Variants in PNPLA7 observed in about 807,000 individuals in gnomAD.
The protein encoded by PNPLA7 is patatin-like phospholipase domain-containing protein 7.
Under a neutral mutation model 161.7 loss-of-function variants are expected in PNPLA7, and 153 were observed. The ratio of observed to expected loss-of-function variants is 0.95; its 90% CI spans 0.83 to 1.08. PNPLA7 has a LOEUF of 1.08. Ranked by LOEUF, PNPLA7 falls within the 50% of genes least tolerant of loss-of-function variation. The pLI is 0.00. For missense variants in PNPLA7, 1,739 were observed against 1,856.6 expected, an observed-to-expected ratio of 0.94 and a Z score of 1.16; for synonymous variants, 809 against 782.1, an observed-to-expected ratio of 1.03 and a Z score of -0.57.
chr9:137,461,505 C>A, intron 33 of PNPLA7, 31 bp downstream of exon 33: 1 of 1,593,300 alleles, frequency 6.3e-7, no homozygotes, highest in South Asian at 1.1e-5. Context: ...TCACGCACGT[C>A]TCCACGGCTT....
intron 26 of PNPLA7, among the ~76,000 whole-genome samples, chr9:137,466,816 A>G (rs1338591163): frequency 7.3e-6 from 1 of 137,088 alleles, no homozygotes; most frequent in African/African-American, 2.8e-5. Context: ...GGCACGGATC[A>G]GACCACCTCC....
chr9:137,545,438 C>T (rs1033933831), intron 4 of PNPLA7, among the ~76,000 whole-genome samples: 5 of 152,198 alleles, frequency 3.3e-5, no homozygotes, highest in Non-Finnish European at 7.3e-5. Flanking sequence ...ACCCACTGGG[C>T]CCCAGTGATG....
Position 137,478,282 on chromosome 9 carries a change from C to A in PNPLA7, c.2764-130G>T, listed in dbSNP as rs1832036634. The stretch of plus-strand genomic sequence containing the variant: ...CTGACCCCAAATCCTCTCCAGCATG[C>A]AGCAGGCCCTGCCTGATACGACTGG... On this transcript the variant is annotated intron_variant, in intron 24 of 34. Transcript: ENST00000406427. The A allele has an allele frequency of 6.2e-6, 4 of 643,982 alleles. No individual in the cohort carries two copies. In the South Asian group the frequency reaches 2.5e-4, roughly 41 times the overall value. The allele number at this position is 643,982 out of a possible 1,614,324, so 39.9% of individuals were successfully genotyped here. A position where few individuals can be genotyped will look rare whatever the true frequency, so the allele number is the denominator to read the frequency against.
At chr9:137,484,853 T>C (rs888136072) in intron 20 of PNPLA7, 117 bp from the exon 21 acceptor site, 1 of 1,273,584 alleles carries the variant, frequency 7.9e-7, no homozygotes, top group Non-Finnish European at 1.1e-6. Flanking sequence ...AGAGGCCGCC[T>C]GGCCCTCCCG....
At chr9:137,462,129 C>G in intron 31 of PNPLA7, 50 bp downstream of exon 31, 4 of 1,528,374 alleles carry the variant, frequency 2.6e-6, no homozygotes, top group Non-Finnish European at 3.5e-6. Context: ...GAGGGGCAGC[C>G]ACCAGAGTGC....
chr9:137,474,901 G>A lies in PNPLA7; in HGVS notation c.2882+3133C>T, dbSNP rs1490347203. 3.4e-5 allele frequency among the ~76,000 whole-genome samples: 5 copies of A among 148,902 alleles called. No individual in the cohort carries two copies. In the South Asian group the frequency reaches 6.4e-4, roughly 19 times the overall value. On this transcript the variant is annotated intron_variant, in intron 25 of 34. Transcript: ENST00000406427. The stretch of plus-strand genomic sequence containing the variant: ...GCTGGGCGTGGTGGGGGCGCCTGTA[G>A]TCCCAGCTACTTGGGAGGCTGAGGC...
chr9:137,541,463 C>G lies in PNPLA7; in HGVS notation c.667-741G>C. ...CAGCAGCGCTTTTGGTCTAGAAACC[C>G]CGACAGGCAGTGCCGGAGCTGGCGT... On this transcript the variant is annotated intron_variant, in intron 7 of 34. Transcript: ENST00000406427. This position sits in a 1 kb window ranked among gnomAD's most constrained non-coding sequence, Gnocchi z 4.4. 1 of 985,466 alleles carries G rather than the reference C, an allele frequency of 1.0e-6. No homozygotes were observed. The highest frequency in any genetic ancestry group is 1.2e-6 in the Non-Finnish European group (1 of 829,942). 61.0% of individuals were successfully genotyped at this position (985,466 alleles called of 1,614,324 possible).
intron 29 of PNPLA7, 40 bp from the exon 30 acceptor site, chr9:137,462,873 T>C: frequency 3.7e-6 from 6 of 1,607,984 alleles, no homozygotes; most frequent in Non-Finnish European, 5.1e-6. Context: ...TGGACAGGCA[T>C]GCAGAGCCAG....
Position 137,500,541 on chromosome 9 carries a change from C to T in PNPLA7, c.1757+150G>A, listed in dbSNP as rs1178817855. ...GAGCGCTGGAGCAGGGGGCACAGAC[C>T]TGGGCCCACACAGGTGCCGGGGACA... On this transcript the variant is annotated intron_variant, in intron 16 of 34. Transcript: ENST00000406427. The surrounding 1 kb of genome is among the most constrained non-coding windows in gnomAD (Gnocchi z 5.5). 21 of 743,876 alleles carry T rather than the reference C, an allele frequency of 2.8e-5. No homozygotes were observed. The highest frequency in any genetic ancestry group is 3.9e-5 in the Non-Finnish European group (18 of 461,664). The allele number at this position is 743,876 out of a possible 1,614,324, so 46.1% of individuals were successfully genotyped here.
In PNPLA7 at chr9:137,478,991, G is replaced by A. The variant is rs369630138; in HGVS notation, c.2763+65C>T. 3.4e-6 allele frequency: 5 copies of A among 1,463,372 alleles called. No homozygotes were observed. The African/African-American group carries it at 7.0e-5, about 21-fold the overall frequency. The allele number at this position is 1,463,372 out of a possible 1,614,324, so 90.6% of individuals were successfully genotyped here. ...GAATCAGGTGGGGAATGTGAAGAATGCTTCGAACGTTCGAGGAAATGAACC... is the reference window on the plus strand; with the variant it reads ...GAATCAGGTGGGGAATGTGAAGAATACTTCGAACGTTCGAGGAAATGAACC... On this transcript the variant is annotated intron_variant, in intron 24 of 34. Transcript: ENST00000406427.
At chr9:137,497,394 G>A (rs1295447269) in intron 17 of PNPLA7, 84 bp from the exon 18 acceptor site, 3 of 1,278,046 alleles carry the variant, frequency 2.3e-6, no homozygotes, top group African/African-American at 3.1e-5. Flanking sequence ...ACAGACTCAG[G>A]ATGGAGAAAA....
intron 12 of PNPLA7, among the ~76,000 whole-genome samples, chr9:137,507,532 G>A (rs987621437): frequency 1.3e-4 from 20 of 152,188 alleles, no homozygotes; most frequent in African/African-American, 4.6e-4. Context: ...AGCCGGGCGT[G>A]GTGGCACATG....
In PNPLA7 at chr9:137,505,473, A is replaced by G. The variant is rs1369469286; in HGVS notation, c.1473+141T>C. On this transcript the variant is annotated intron_variant, in intron 14 of 34. Coordinates refer to ENST00000406427, the MANE Select transcript of PNPLA7 (RefSeq NM_001098537.3). ...AGCTTCCCAAAGGGGACCCCAAAAG[A>G]CAAGCAAGCCTGCACTCCACCCAAA... The G allele has an allele frequency of 3.1e-6, 3 of 982,484 alleles. No individual in the cohort carries two copies. In the East Asian group the frequency reaches 7.9e-5, roughly 26 times the overall value. The allele number at this position is 982,484 out of a possible 1,614,324, so 60.9% of individuals were successfully genotyped here. A position where few individuals can be genotyped will look rare whatever the true frequency, so the allele number is the denominator to read the frequency against.
chr9:137,520,050 C>T lies in PNPLA7; in HGVS notation c.958-7G>A. 1 of 1,611,916 alleles carries T rather than the reference C, an allele frequency of 6.2e-7. No homozygotes were observed. ...GAGGGATGGCCTGGCTCTCCTGGGA[C>T]ACAAGAAGGAAGTTCAGTGCCACCC... On this transcript the variant is annotated splice_region_variant and splice_polypyrimidine_tract_variant and intron_variant, in intron 10 of 34. Transcript: ENST00000406427. The surrounding 1 kb of genome is among the most constrained non-coding windows in gnomAD (Gnocchi z 5.2).
intron 8 of PNPLA7, among the ~76,000 whole-genome samples, chr9:137,533,458 C>CA (rs1186668267): frequency 6.7e-6 from 1 of 149,362 alleles, no homozygotes; most frequent in East Asian, 2.0e-4. Context: ...GGAGGACTCC[C>CA]AGAATTCTCC....
Position 137,523,688 on chromosome 9 carries a change from G to A in PNPLA7, c.748-831C>T, listed in dbSNP as rs558563222. Among the ~76,000 whole-genome samples, 12 of 150,780 alleles carry A rather than the reference G, an allele frequency of 8.0e-5. No individual in the cohort carries two copies. Among genetic ancestry groups the A allele is most frequent in the South Asian group, 2.1e-4 (1 of 4,766 alleles). On this transcript the variant is annotated intron_variant, in intron 8 of 34. Coordinates refer to ENST00000406427, the MANE Select transcript of PNPLA7 (RefSeq NM_001098537.3). The surrounding 1 kb of genome is among the most constrained non-coding windows in gnomAD (Gnocchi z 4.4). ...GTCGTCCAGGCTGGAGTGCAATGGC[G>A]TGATCTTGGCTCACTGCAAGCTCCG...
rs1008182821 is a variant in PNPLA7, at chr9:137,547,944, A to G, written c.31-285T>C. ...ACATGCTGGTGATGCAATCCTTGGG[A>G]TGCAGGTCTCAGGGAGCAGGCCTGG... On this transcript the variant is annotated intron_variant, in intron 1 of 34. Transcript: ENST00000406427. The surrounding 1 kb of genome is among the most constrained non-coding windows in gnomAD (Gnocchi z 4.6). Among the ~76,000 whole-genome samples, 2 of 152,116 alleles carry G rather than the reference A, an allele frequency of 1.3e-5. No homozygotes were observed. The highest frequency in any genetic ancestry group is 4.8e-5 in the African/African-American group (2 of 41,414).
Position 137,460,106 on chromosome 9 carries a change from T to C in PNPLA7, c.*287A>G. ...GTGGTTCACAGGGCTTCGGGGGGCC[T>C]CACAGGGCTTCGGGGGGCCTCACAG... On this transcript the variant is annotated 3_prime_UTR_variant, in exon 35 of 35. Transcript: ENST00000406427. The C allele has an allele frequency of 2.9e-6, 1 of 343,062 alleles. No individual in the cohort carries two copies. Among genetic ancestry groups the C allele is most frequent in the Non-Finnish European group, 5.6e-6 (1 of 179,676 alleles). The allele number at this position is 343,062 out of a possible 1,614,324, so 21.3% of individuals were successfully genotyped here.
intron 14 of PNPLA7, among the ~76,000 whole-genome samples, chr9:137,503,709 G>A (rs1468023015): frequency 1.4e-5 from 2 of 142,822 alleles, no homozygotes; most frequent in Non-Finnish European, 3.0e-5. Flanking sequence ...GGGGAAGGAA[G>A]GAGGAGAAAG....
Sources: allele counts gnomAD v4.1 joint callset (sites outside exome capture counted in the v4.1 genomes callset), GRCh38; gene constraint gnomAD v4.1.1; non-coding constraint Gnocchi (gnomAD v3.1); transcripts MANE v1.5; gene names NCBI Gene and HGNC (gene_info 2026-07-23, HGNC 2026-07-21).